PDE10A: variants seen among roughly 807,000 people sequenced by gnomAD.
The protein encoded by PDE10A is phosphodiesterase 10A, also known as cAMP and cAMP-inhibited cGMP 3',5'-cyclic phosphodiesterase 10A.
Under a neutral mutation model 97.7 loss-of-function variants are expected in PDE10A, and 39 were observed. The ratio of observed to expected loss-of-function variants is 0.40; its 90% CI spans 0.31 to 0.52. The LOEUF (loss-of-function observed/expected upper bound fraction) is 0.52, where lower values mean the gene tolerates loss of function less well. PDE10A is among the 20% of genes least tolerant of loss of function. The pLI, the probability that PDE10A is intolerant of heterozygous loss-of-function variation, is 0.56. For synonymous variants in PDE10A, 371 were observed against 376.8 expected (o/e 0.98, Z 0.18); for missense variants, 731 against 1,047.8 (o/e 0.70, Z 4.17).
chr6:165,979,495 C>T (rs1784946780), intron 1 of PDE10A, among the ~76,000 whole-genome samples: 1 of 152,138 alleles, frequency 6.6e-6, no homozygotes, highest in African/African-American at 2.4e-5. Context: ...AATATTTCTT[C>T]TTGTCTATAG....
At chr6:165,374,915 A>G (rs1393535543) in intron 18 of PDE10A, among the ~76,000 whole-genome samples, 13 of 152,130 alleles carry the variant, frequency 8.5e-5, no homozygotes, top group Non-Finnish European at 5.9e-5. Flanking sequence ...TGTATCAGTC[A>G]CAGTGATCTA....
At chr6:165,701,669 A>ATGTTTGTGTGTGTGCATGTAAGTG (rs1554307796) in intron 1 of PDE10A, among the ~76,000 whole-genome samples, 2 of 90,206 alleles carry the variant, frequency 2.2e-5, no homozygotes, top group African/African-American at 1.2e-4. Flanking sequence ...GTGTGCATGT[A>ATGTTTGTGTGTGTGCATGTAAGTG]TGTTTGTGTG....
At chr6:165,929,176 C>G (rs934604310) in intron 1 of PDE10A, among the ~76,000 whole-genome samples, 1 of 152,102 alleles carries the variant, frequency 6.6e-6, no homozygotes, top group Admixed American at 6.6e-5. Flanking sequence ...GGCGGGCATT[C>G]GGTAAACTGG....
intron 1 of PDE10A, among the ~76,000 whole-genome samples, chr6:165,690,787 GTTAAC>G (rs929295367): frequency 8.5e-5 from 13 of 152,336 alleles, no homozygotes; most frequent in African/African-American, 3.1e-4. Flanking sequence ...AATTTCATGT[GTTAAC>G]TTGACTGAGC....
intron 1 of PDE10A, among the ~76,000 whole-genome samples, chr6:165,857,769 C>CA (rs1402618316): frequency 8.0e-5 from 12 of 150,848 alleles, no homozygotes; most frequent in African/African-American, 2.9e-4. Flanking sequence ...GGCAACAAAA[C>CA]AGATTAGGGC....
At chr6:165,569,409 A>C (rs150808036) in intron 1 of PDE10A, among the ~76,000 whole-genome samples, 1 of 152,224 alleles carries the variant, frequency 6.6e-6, no homozygotes, top group Non-Finnish European at 1.5e-5. Flanking sequence ...GTGTTGTAAG[A>C]CTGTGTCAAT....
intron 1 of PDE10A, among the ~76,000 whole-genome samples, chr6:165,620,288 T>G (rs975819811): frequency 6.6e-6 from 1 of 151,146 alleles, no homozygotes; most frequent in Non-Finnish European, 1.5e-5. Flanking sequence ...ACCCCCACCC[T>G]GGCCAGGCAG....
intron 2 of PDE10A, among the ~76,000 whole-genome samples, chr6:165,527,065 G>A (rs112828226): frequency 0.037 from 5,673 of 152,244 alleles, 165 homozygotes; most frequent in African/African-American, 0.071. Flanking sequence ...AAATAAATCC[G>A]ACTAAAATTC....
At chr6:165,973,418 A>ATAT (rs1554233516) in intron 1 of PDE10A, among the ~76,000 whole-genome samples, 1 of 102,480 alleles carries the variant, frequency 9.8e-6, no homozygotes, top group Non-Finnish European at 2.3e-5. Context: ...CGCCTCAAAA[A>ATAT]AAAAAAAAAT....
chr6:165,425,906 C>T (rs993322668), intron 10 of PDE10A, among the ~76,000 whole-genome samples: 1 of 151,586 alleles, frequency 6.6e-6, no homozygotes, highest in South Asian at 2.1e-4. Context: ...GTTGTTTCTA[C>T]ACATTTGCAG....
chr6:165,738,215 A>G (rs1287386510), intron 1 of PDE10A, among the ~76,000 whole-genome samples: 1 of 131,322 alleles, frequency 7.6e-6, no homozygotes, highest in Admixed American at 9.3e-5. Flanking sequence ...TCCTGTGTCC[A>G]TGTGATCTCA....
chr6:165,485,629 G>A (rs900793575), intron 2 of PDE10A, among the ~76,000 whole-genome samples: 1 of 136,006 alleles, frequency 7.4e-6, no homozygotes, highest in Non-Finnish European at 1.6e-5. Flanking sequence ...TTTCACTCTT[G>A]TTGCCCAGGC....
intron 1 of PDE10A, among the ~76,000 whole-genome samples, chr6:165,737,999 TTTTTA>T (rs57411816): frequency 1.5e-5 from 2 of 134,510 alleles, no homozygotes; most frequent in Admixed American, 7.3e-5. Context: ...CCACTTCTTT[TTTTTA>T]TTTTATTTTA....
chr6:165,794,257 TCACA>T (rs1391562065), intron 1 of PDE10A, among the ~76,000 whole-genome samples: 1 of 138,106 alleles, frequency 7.2e-6, no homozygotes, highest in African/African-American at 2.8e-5. Context: ...CTGCTCACAC[TCACA>T]TACACACTCA....
At chr6:165,578,097 A>G (rs1410480) in intron 1 of PDE10A, among the ~76,000 whole-genome samples, 149,782 of 152,232 alleles carry the variant, frequency 0.98, 73,740 homozygotes, top group East Asian at 1. Context: ...ATTCAATCCG[A>G]ACTGACTTCA....
intron 1 of PDE10A, among the ~76,000 whole-genome samples, chr6:165,945,953 A>G (rs1012919878): frequency 6.6e-6 from 1 of 152,242 alleles, no homozygotes; most frequent in Non-Finnish European, 1.5e-5. Context: ...TGCTATTTTT[A>G]CATTTAAAGA....
chr6:165,536,027 GAAC>G (rs533088824), intron 2 of PDE10A, among the ~76,000 whole-genome samples: 40 of 151,968 alleles, frequency 2.6e-4, no homozygotes, highest in Admixed American at 7.2e-4. Context: ...TGAGCAAAAG[GAAC>G]AAAGCTGGTG....
At chr6:165,439,476 G>A (rs138773004) in intron 5 of PDE10A, among the ~76,000 whole-genome samples, 76 of 152,258 alleles carry the variant, frequency 5.0e-4, no homozygotes, top group African/African-American at 1.4e-3. Flanking sequence ...ACCAAAGGCC[G>A]CTGCAGTTCT....
At chr6:165,383,843 C>T (rs1583166354) in intron 17 of PDE10A, among the ~76,000 whole-genome samples, 1 of 152,246 alleles carries the variant, frequency 6.6e-6, no homozygotes, top group Non-Finnish European at 1.5e-5. Flanking sequence ...CAGTGCTGTA[C>T]CCCAGTCATG....
Sources: allele counts gnomAD v4.1 joint callset (sites outside exome capture counted in the v4.1 genomes callset), GRCh38; gene constraint gnomAD v4.1.1; transcripts MANE v1.5; gene names NCBI Gene and HGNC (gene_info 2026-07-23, HGNC 2026-07-21).